XKR6: variants seen among roughly 807,000 people sequenced by gnomAD.
XKR6 encodes the protein XK related 6.
In XKR6, 22 loss-of-function variants were observed where a neutral mutation model predicts 56.7. That is an observed-to-expected ratio of 0.39 (90% CI 0.28 to 0.55). The LOEUF is 0.55. Ranked by LOEUF, XKR6 falls within the 20% of genes least tolerant of loss-of-function variation. The pLI is 0.66. For synonymous variants in XKR6, 524 were observed against 387.8 expected, an observed-to-expected ratio of 1.35 and a Z score of -4.13; for missense variants, 852 against 889.0, an observed-to-expected ratio of 0.96 and a Z score of 0.53.
At chr8:10,899,313 T>G (rs1799973251) in intron 2 of XKR6, among the ~76,000 whole-genome samples, 1 of 152,224 alleles carries the variant, frequency 6.6e-6, no homozygotes, top group African/African-American at 2.4e-5. Context: ...CAGCCTGTGC[T>G]CTCAGAGAAG....
At chr8:11,098,389 T>C (rs1399761823) in intron 1 of XKR6, among the ~76,000 whole-genome samples, 1 of 152,156 alleles carries the variant, frequency 6.6e-6, no homozygotes, top group African/African-American at 2.4e-5. Context: ...CCCAGTGGAC[T>C]CGGTGAACTT....
Position 11,122,534 on chromosome 8 carries a change from T to A in XKR6, c.764+78042A>T, listed in dbSNP as rs141566016. Among the ~76,000 whole-genome samples, 6 of 152,306 alleles carry A rather than the reference T, an allele frequency of 3.9e-5. No individual in the cohort carries two copies. The East Asian group carries it at 1.2e-3, about 29-fold the overall frequency. On this transcript the variant is annotated intron_variant, in intron 1 of 2. Transcript: ENST00000416569. ...TCACTGCTGACTACTAGCCAATGGG[T>A]GCGTAAGCAGTGGCAGGTATAAGAT... is the stretch of plus-strand genomic sequence containing the variant.
chr8:10,919,579 T>C (rs1228766813), intron 2 of XKR6, among the ~76,000 whole-genome samples: 1 of 152,234 alleles, frequency 6.6e-6, no homozygotes, highest in Non-Finnish European at 1.5e-5. Context: ...CATGTGGAGC[T>C]CATTAGACCT....
chr8:11,184,916 T>C (rs944324629), intron 1 of XKR6, among the ~76,000 whole-genome samples: 1 of 152,220 alleles, frequency 6.6e-6, no homozygotes, highest in Non-Finnish European at 1.5e-5. Context: ...TATTTTAGTA[T>C]ACAGCACATC....
chr8:11,189,204 T>A lies in XKR6; in HGVS notation c.764+11372A>T, dbSNP rs142861560. ...TACAACAAATATAACATTTCTGAATTTGAGACACAAAATTCACTGGATTGA... is the reference window on the plus strand; with the variant it reads ...TACAACAAATATAACATTTCTGAATATGAGACACAAAATTCACTGGATTGA... On this transcript the variant is annotated intron_variant, in intron 1 of 2. Coordinates refer to ENST00000416569, the MANE Select transcript of XKR6 (RefSeq NM_173683.4). Among the ~76,000 whole-genome samples, 175 of 152,320 alleles carry A rather than the reference T, an allele frequency of 1.1e-3. 1 individual carries two copies. Among genetic ancestry groups the A allele is most frequent in the African/African-American group, 3.8e-3 (159 of 41,556 alleles).
intron 1 of XKR6, among the ~76,000 whole-genome samples, chr8:11,029,702 T>C (rs1272408382): frequency 2.0e-5 from 3 of 152,054 alleles, no homozygotes; most frequent in Non-Finnish European, 2.9e-5. Context: ...GACGACCTCA[T>C]TGTCCCTCCT....
intron 1 of XKR6, among the ~76,000 whole-genome samples, chr8:11,176,179 G>C (rs116937957): frequency 2.0e-5 from 3 of 152,066 alleles, no homozygotes; most frequent in Admixed American, 2.0e-4. Context: ...TTTTGAAACC[G>C]GAAAAATCTC....
rs542429570 is a variant in XKR6, at chr8:11,199,908, G to A, written c.764+668C>T. The stretch of plus-strand genomic sequence containing the variant: ...GTGAGAGTTAACACCAAACGCTCGC[G>A]CCCATCACATTTTATCCCATTTTTA... On this transcript the variant is annotated intron_variant, in intron 1 of 2. Transcript: ENST00000416569. Among the ~76,000 whole-genome samples, 881 of 151,666 alleles carry A rather than the reference G, an allele frequency of 5.8e-3. 12 individuals are homozygous for A. The highest frequency in any genetic ancestry group is 0.02 in the African/African-American group (817 of 41,322).
rs187188832 is a variant in XKR6, at chr8:10,942,503, G to A, written c.765-17673C>T. ...CAGGACTGCCTGCTCCCGGTCACTC[G>A]CCATCACTGTGGCCTCCACAGGGAG... On this transcript the variant is annotated intron_variant, in intron 1 of 2. Transcript: ENST00000416569. 5.9e-5 allele frequency among the ~76,000 whole-genome samples: 9 copies of A among 152,276 alleles called. 1 individual carries two copies. Among genetic ancestry groups the A allele is most frequent in the Non-Finnish European group, 1.2e-4 (8 of 68,014 alleles).
intron 1 of XKR6, among the ~76,000 whole-genome samples, chr8:10,965,370 A>G (rs1229756839): frequency 6.6e-6 from 1 of 152,284 alleles, no homozygotes; most frequent in East Asian, 1.9e-4. Context: ...TCCCCCAGGG[A>G]TCTGGGGGCC....
rs532453709 is a variant in XKR6 at position 10,968,090 on chromosome 8, C to T, written c.765-43260G>A. Among the ~76,000 whole-genome samples, 398 of 152,286 alleles carry T rather than the reference C, an allele frequency of 2.6e-3. 3 individuals carry two copies. Among genetic ancestry groups the T allele is most frequent in the African/African-American group, 8.9e-3 (371 of 41,564 alleles). ...TGTGAGCGAGGGGCCTGTTGCTGCT[C>T]CCCCTGGTACCCAGGGTCTGTCCCC... On this transcript the variant is annotated intron_variant, in intron 1 of 2. Coordinates refer to ENST00000416569, the MANE Select transcript of XKR6 (RefSeq NM_173683.4).
rs773419439 is a variant in XKR6 at position 11,201,376 on chromosome 8, G to A, written c.-37C>T. 2 of 1,195,516 alleles carry A rather than the reference G, an allele frequency of 1.7e-6. No individual in the cohort carries two copies. Among genetic ancestry groups the A allele is most frequent in the Non-Finnish European group, 2.2e-6 (2 of 921,728 alleles). 74.1% of individuals were successfully genotyped at this position (1,195,516 alleles called of 1,614,324 possible). On this transcript the variant is annotated 5_prime_UTR_variant, in exon 1 of 3. Coordinates refer to ENST00000416569, the MANE Select transcript of XKR6 (RefSeq NM_173683.4). ...TCCCAGCTCCGGAGGTTGGGGGGGA[G>A]GGACGGCGGGGGGGGGGGGAAGAAG...
chr8:10,955,502 A>C (rs979711881), intron 1 of XKR6, among the ~76,000 whole-genome samples: 19 of 152,244 alleles, frequency 1.2e-4, no homozygotes, highest in African/African-American at 4.6e-4. Context: ...TCAAGGTAAC[A>C]TTTCTGCAGT....
intron 1 of XKR6, among the ~76,000 whole-genome samples, chr8:11,110,342 C>CAA (rs989538798): frequency 3.2e-4 from 48 of 152,248 alleles, no homozygotes; most frequent in African/African-American, 1.1e-3. Context: ...TCTCTTAAAA[C>CAA]AAGCAAAGCA....
intron 1 of XKR6, among the ~76,000 whole-genome samples, chr8:11,178,556 AT>A (rs1802787585): frequency 7.6e-6 from 1 of 130,800 alleles, no homozygotes; most frequent in Non-Finnish European, 1.7e-5. Context: ...AAATATATAT[AT>A]ATATATATAT....
chr8:11,122,532 G>A (rs573406046), intron 1 of XKR6, among the ~76,000 whole-genome samples: 2 of 152,292 alleles, frequency 1.3e-5, no homozygotes, highest in South Asian at 2.1e-4. Flanking sequence ...CTAGCCAATG[G>A]GTGCGTAAGC....
chr8:10,974,770 A>G (rs538173554), intron 1 of XKR6, among the ~76,000 whole-genome samples: 1 of 152,284 alleles, frequency 6.6e-6, no homozygotes, highest in East Asian at 1.9e-4. Flanking sequence ...TGTGGCAAGT[A>G]GTGAAGGAAG....
chr8:11,187,448 CAT>C (rs1436262762), intron 1 of XKR6, among the ~76,000 whole-genome samples: 1 of 152,178 alleles, frequency 6.6e-6, no homozygotes, highest in Non-Finnish European at 1.5e-5. Flanking sequence ...TGCTGCAACA[CAT>C]GTCTCCGGGA....
At chr8:10,926,422 G>C (rs556685930) in intron 1 of XKR6, among the ~76,000 whole-genome samples, 1 of 152,248 alleles carries the variant, frequency 6.6e-6, no homozygotes, top group African/African-American at 2.4e-5. Context: ...AGATTCCTAA[G>C]GCCCTTTGGG....
Sources: gnomAD v4.1 joint callset for allele counts (sites outside exome capture counted in the v4.1 genomes callset) on GRCh38, gnomAD v4.1.1 for gene constraint, MANE v1.5 for transcripts, NCBI Gene and HGNC (gene_info 2026-07-23, HGNC 2026-07-21) for gene names.